CAMTA1: variants seen among roughly 807,000 people sequenced by gnomAD.
CAMTA1 encodes the protein calmodulin binding transcription activator 1, also known as calmodulin-binding transcription activator 1.
A neutral mutation model predicts 170.9 loss-of-function variants in CAMTA1; 27 were observed. The ratio of observed to expected loss-of-function variants is 0.16; its 90% confidence interval spans 0.12 to 0.22. The LOEUF (loss-of-function observed/expected upper bound fraction) is 0.22. CAMTA1 is among the 10% of genes least tolerant of loss of function. The pLI is 1.00. For missense variants in CAMTA1, 1,619 were observed against 2,217.2 expected (o/e 0.73, Z 5.42); for synonymous variants, 833 against 891.5 (o/e 0.93, Z 1.17).
chr1:7,094,464 TAG>T (rs1641833749), intron 4 of CAMTA1, among the ~76,000 whole-genome samples: 1 of 152,250 alleles, frequency 6.6e-6, no homozygotes, highest in African/African-American at 2.4e-5. Context: ...CTGACATTTA[TAG>T]AGTTTCCTAA....
intron 3 of CAMTA1, among the ~76,000 whole-genome samples, chr1:6,840,619 A>G (rs1006896037): frequency 2.0e-5 from 3 of 152,162 alleles, no homozygotes; most frequent in Admixed American, 1.3e-4. Context: ...TGAATAGGCA[A>G]CTTCCATAAG....
intron 22 of CAMTA1, among the ~76,000 whole-genome samples, chr1:7,758,804 G>A (rs1427844434): frequency 2.6e-5 from 4 of 151,634 alleles, no homozygotes; most frequent in African/African-American, 7.3e-5. Flanking sequence ...TTGCGGTGGC[G>A]GGCGCCTGTA....
intron 3 of CAMTA1, among the ~76,000 whole-genome samples, chr1:6,879,272 C>T (rs1670797857): frequency 6.6e-6 from 1 of 152,072 alleles, no homozygotes; most frequent in East Asian, 1.9e-4. Flanking sequence ...CCCACAAGAC[C>T]CTGTGATGTG....
chr1:6,880,766 A>C (rs750856871), intron 3 of CAMTA1, among the ~76,000 whole-genome samples: 20 of 152,044 alleles, frequency 1.3e-4, no homozygotes, highest in African/African-American at 4.8e-4. Context: ...TGTTCTGCCC[A>C]CCCCAGAGTG....
In CAMTA1 at chr1:7,585,576, G is replaced by C. The variant is rs980453767; in HGVS notation, c.511-54824G>C. Among the ~76,000 whole-genome samples, 2 of 152,192 alleles carry C rather than the reference G, an allele frequency of 1.3e-5. No homozygotes were observed. Among genetic ancestry groups the C allele is most frequent in the African/African-American group, 4.8e-5 (2 of 41,430 alleles). Reference sequence around the variant, plus strand: ...CTTGGGGTTTCACCGTGAGTGTGGAGGGGAGCCAGTGAAAGAACGTGAACA... The same window carrying C: ...CTTGGGGTTTCACCGTGAGTGTGGACGGGAGCCAGTGAAAGAACGTGAACA... On this transcript the variant is annotated intron_variant, in intron 6 of 22. Transcript: ENST00000303635. This position sits in a 1 kb window ranked among gnomAD's most constrained non-coding sequence, Gnocchi z 4.8.
At chr1:7,722,564 T>C (rs2096656666) in intron 11 of CAMTA1, among the ~76,000 whole-genome samples, 1 of 152,200 alleles carries the variant, frequency 6.6e-6, no homozygotes, top group Non-Finnish European at 1.5e-5. Context: ...TTTATACTTA[T>C]GCTTTCTAAT....
In CAMTA1 at chr1:7,216,970, A is replaced by G. The variant is rs1028731140; in HGVS notation, c.303-32521A>G. Among the ~76,000 whole-genome samples the G allele has an allele frequency of 1.2e-4, 19 of 152,212 alleles. No homozygotes were observed. Among genetic ancestry groups the G allele is most frequent in the African/African-American group, 4.3e-4 (18 of 41,456 alleles). On this transcript the variant is annotated intron_variant, in intron 4 of 22. Coordinates refer to ENST00000303635, the MANE Select transcript of CAMTA1 (RefSeq NM_015215.4). This position sits in a 1 kb window ranked among gnomAD's most constrained non-coding sequence, Gnocchi z 4.0. ...ATTCTACTTTGATATCAAGATTGCAATACTTGTTTTGTTATTTCCATTTGC... is the reference window on the plus strand; with the variant it reads ...ATTCTACTTTGATATCAAGATTGCAGTACTTGTTTTGTTATTTCCATTTGC...
chr1:7,764,236 T>C (rs2096999694), intron 22 of CAMTA1, among the ~76,000 whole-genome samples: 1 of 152,206 alleles, frequency 6.6e-6, no homozygotes, highest in African/African-American at 2.4e-5. Flanking sequence ...CTAAATGATA[T>C]TTGGATCTAC....
chr1:6,927,955 A>G (rs1474943614), intron 3 of CAMTA1, among the ~76,000 whole-genome samples: 3 of 152,148 alleles, frequency 2.0e-5, no homozygotes, highest in African/African-American at 4.8e-5. Flanking sequence ...GAGAGACGAC[A>G]AGGATCCAGG....
Position 7,443,826 on chromosome 1 carries a change from T to C in CAMTA1, c.439-24004T>C, listed in dbSNP as rs2092611651. Among the ~76,000 whole-genome samples the C allele has an allele frequency of 6.8e-6, 1 of 147,776 alleles. No individual in the cohort carries two copies. The highest frequency in any genetic ancestry group is 1.5e-5 in the Non-Finnish European group (1 of 65,824). On this transcript the variant is annotated intron_variant, in intron 5 of 22. Coordinates refer to ENST00000303635, the MANE Select transcript of CAMTA1 (RefSeq NM_015215.4). This position sits in a 1 kb window ranked among gnomAD's most constrained non-coding sequence, Gnocchi z 4.1. ...GTACCTCCTGATATCCTGTCCAGGG[T>C]CCCAAGACAGCCTCTACAGGGGGTC...
chr1:7,087,084 C>T (rs11578720), intron 3 of CAMTA1, among the ~76,000 whole-genome samples: 36,632 of 152,110 alleles, frequency 0.24, 4,537 homozygotes, highest in East Asian at 0.32. Context: ...TTCTATACCT[C>T]GGTTTTTTTC....
chr1:7,004,761 T>C (rs1218252980), intron 3 of CAMTA1, among the ~76,000 whole-genome samples: 2 of 152,192 alleles, frequency 1.3e-5, no homozygotes, highest in East Asian at 3.8e-4. Flanking sequence ...TATTTTTAAA[T>C]TGTATTTATT....
intron 6 of CAMTA1, among the ~76,000 whole-genome samples, chr1:7,492,782 C>CAT (rs1439756498): frequency 6.9e-6 from 1 of 145,010 alleles, no homozygotes; most frequent in Non-Finnish European, 1.5e-5. Flanking sequence ...CAAGTGCACA[C>CAT]ACAAACACAA....
rs1011630691 is a variant in CAMTA1 at position 7,139,152 on chromosome 1, AATATAAATAT to A, written c.302+47795_302+47804del. Among the ~76,000 whole-genome samples, 20 of 142,516 alleles carry A rather than the reference AATATAAATAT, an allele frequency of 1.4e-4. No individual in the cohort carries two copies. In the East Asian group the frequency reaches 3.8e-3, roughly 27 times the overall value. The allele number at this position is 142,516 out of a possible 152,430, so 93.5% of individuals were successfully genotyped here. The stretch of plus-strand genomic sequence containing the variant: ...ATAAATATAAATAAACAAATATATA[AATATAAATAT>A]ATATAAATATATAAAATATTTAGAA... On this transcript the variant is annotated intron_variant, in intron 4 of 22. Coordinates refer to ENST00000303635, the MANE Select transcript of CAMTA1 (RefSeq NM_015215.4).
chr1:7,505,987 T>A (rs1374434989), intron 6 of CAMTA1, among the ~76,000 whole-genome samples: 2 of 151,962 alleles, frequency 1.3e-5, no homozygotes, highest in Non-Finnish European at 2.9e-5. Flanking sequence ...TGCAGCAGTG[T>A]GGAAAGCAGA....
At position 7,149,423 on chromosome 1, in the gene CAMTA1, C is replaced by T. The variant is rs1284787714; in HGVS notation, c.302+58052C>T. On this transcript the variant is annotated intron_variant, in intron 4 of 22. Transcript: ENST00000303635. ...GCCCCTCTGCTGCCATCAAATGTAG[C>T]AGAAAAAAATGTGTGTCCCTCTCCA... Among the ~76,000 whole-genome samples the T allele has an allele frequency of 4.6e-5, 7 of 152,276 alleles. No individual in the cohort carries two copies. The East Asian group carries it at 7.7e-4, about 17-fold the overall frequency.
chr1:7,308,421 T>A (rs1675930739), intron 5 of CAMTA1, among the ~76,000 whole-genome samples: 1 of 152,082 alleles, frequency 6.6e-6, no homozygotes, highest in Non-Finnish European at 1.5e-5. Flanking sequence ...ATTTTTCTAG[T>A]TTCTTAAGAA....
At chr1:7,069,705 G>C (rs1455696648) in intron 3 of CAMTA1, among the ~76,000 whole-genome samples, 1 of 151,822 alleles carries the variant, frequency 6.6e-6, no homozygotes, top group African/African-American at 2.4e-5. Context: ...AGTGGAGTGG[G>C]AACAGGGGAC....
chr1:6,959,313 C>T (rs1180658575), intron 3 of CAMTA1, among the ~76,000 whole-genome samples: 1 of 152,172 alleles, frequency 6.6e-6, no homozygotes, highest in Non-Finnish European at 1.5e-5. Flanking sequence ...GAGGCTGGGG[C>T]AGGTGGAGGG....
Sources: gnomAD v4.1 joint callset for allele counts (sites outside exome capture counted in the v4.1 genomes callset) on GRCh38, gnomAD v4.1.1 for gene constraint, Gnocchi (gnomAD v3.1) non-coding constraint, MANE v1.5 for transcripts, NCBI Gene and HGNC (gene_info 2026-07-23, HGNC 2026-07-21) for gene names.